ZNF148: variants seen among roughly 807,000 people sequenced by gnomAD.
ZNF148 encodes zinc finger protein 148.
In ZNF148, 7 loss-of-function variants were observed where a neutral mutation model predicts 67.7. The observed-to-expected ratio is 0.10, with a 90% confidence interval of 0.06 to 0.19. The LOEUF is 0.19. ZNF148 is among the 10% of genes least tolerant of loss of function. The pLI, the probability that ZNF148 is intolerant of heterozygous loss-of-function variation, is 1.00. For missense variants in ZNF148, 583 were observed against 947.1 expected, an observed-to-expected ratio of 0.62 and a Z score of 5.05; for synonymous variants, 333 against 330.7, an observed-to-expected ratio of 1.01 and a Z score of -0.08.
At chr3:125,338,322 A>G (rs1244033065) in intron 1 of ZNF148, among the ~76,000 whole-genome samples, 1 of 152,214 alleles carries the variant, frequency 6.6e-6, no homozygotes, top group African/African-American at 2.4e-5. Flanking sequence ...AATGATAGGT[A>G]CATATGTATA....
intron 1 of ZNF148, among the ~76,000 whole-genome samples, chr3:125,372,785 G>C (rs966178062): frequency 6.6e-6 from 1 of 151,958 alleles, no homozygotes; most frequent in African/African-American, 2.4e-5. Context: ...TCACCAACAC[G>C]GAGAAACTCC....
At chr3:125,262,169 T>C (rs1225291429) in intron 7 of ZNF148, among the ~76,000 whole-genome samples, 1 of 152,212 alleles carries the variant, frequency 6.6e-6, no homozygotes, top group Non-Finnish European at 1.5e-5. Context: ...GATACTGATA[T>C]CAATCCATGA....
chr3:125,310,144 A>G (rs1940121750), intron 4 of ZNF148, among the ~76,000 whole-genome samples: 1 of 149,778 alleles, frequency 6.7e-6, no homozygotes, highest in Non-Finnish European at 1.5e-5. Flanking sequence ...CAGTGGCACA[A>G]TCTTGGCTCA....
chr3:125,273,179 CTCTAA>C (rs1937849729), intron 7 of ZNF148, among the ~76,000 whole-genome samples: 1 of 152,222 alleles, frequency 6.6e-6, no homozygotes, highest in Non-Finnish European at 1.5e-5. Context: ...TCAACATTCT[CTCTAA>C]CCCCACCCCA....
intron 2 of ZNF148, among the ~76,000 whole-genome samples, chr3:125,327,667 AT>A (rs1416199171): frequency 1.3e-5 from 2 of 152,210 alleles, no homozygotes; most frequent in African/African-American, 4.8e-5. Context: ...AAACAAATAC[AT>A]TTATATGTTC....
intron 4 of ZNF148, among the ~76,000 whole-genome samples, chr3:125,291,411 T>C (rs745626285): frequency 4.6e-5 from 7 of 152,158 alleles, no homozygotes; most frequent in Admixed American, 6.6e-5. Flanking sequence ...CCTAAGGTAC[T>C]TGGCAGAAGG....
intron 1 of ZNF148, among the ~76,000 whole-genome samples, chr3:125,348,582 A>G (rs998352139): frequency 6.6e-6 from 1 of 152,056 alleles, no homozygotes; most frequent in Non-Finnish European, 1.5e-5. Context: ...GAAAACTACA[A>G]AACACTGATG....
chr3:125,284,340 AGAGTAT>A (rs757000779), intron 5 of ZNF148, among the ~76,000 whole-genome samples: 1 of 152,188 alleles, frequency 6.6e-6, no homozygotes, highest in South Asian at 2.1e-4. Context: ...TTCAAGCTTA[AGAGTAT>A]AACAGTCACC....
chr3:125,340,160 C>T (rs1941654091), intron 1 of ZNF148, among the ~76,000 whole-genome samples: 1 of 152,162 alleles, frequency 6.6e-6, no homozygotes, highest in East Asian at 1.9e-4. Context: ...CAGAAGAAGA[C>T]AATCCAGACC....
chr3:125,271,341 G>A (rs1176666425), intron 7 of ZNF148, among the ~76,000 whole-genome samples: 1 of 152,116 alleles, frequency 6.6e-6, no homozygotes, highest in East Asian at 1.9e-4. Context: ...CCACTCCATT[G>A]TGAAATCCGG....
intron 5 of ZNF148, among the ~76,000 whole-genome samples, chr3:125,285,971 G>C (rs1366957677): frequency 1.3e-5 from 2 of 152,024 alleles, no homozygotes; most frequent in Non-Finnish European, 2.9e-5. Context: ...CAAATACCTA[G>C]AACATATCAC....
At chr3:125,290,302 G>C (rs1397249519) in intron 4 of ZNF148, among the ~76,000 whole-genome samples, 1 of 152,016 alleles carries the variant, frequency 6.6e-6, no homozygotes, top group Non-Finnish European at 1.5e-5. Flanking sequence ...CCCTATGCCG[G>C]TTCTTTCTTG....
intron 2 of ZNF148, among the ~76,000 whole-genome samples, chr3:125,323,888 G>A (rs1940899302): frequency 6.6e-6 from 1 of 151,674 alleles, no homozygotes; most frequent in South Asian, 2.1e-4. Flanking sequence ...GAACCCAGGA[G>A]GCAGAGCTTG....
intron 3 of ZNF148, among the ~76,000 whole-genome samples, chr3:125,316,526 G>C (rs901573555): frequency 6.6e-6 from 1 of 152,042 alleles, no homozygotes; most frequent in South Asian, 2.1e-4. Flanking sequence ...CTGTCTTTTG[G>C]ATATAAGCCA....
chr3:125,326,177 T>C (rs982572505), intron 2 of ZNF148, among the ~76,000 whole-genome samples: 3 of 152,040 alleles, frequency 2.0e-5, no homozygotes, highest in Non-Finnish European at 4.4e-5. Context: ...GGAAAACACA[T>C]CAGACTTAAA....
chr3:125,328,093 A>G (rs1017669332), intron 2 of ZNF148, among the ~76,000 whole-genome samples: 4 of 151,974 alleles, frequency 2.6e-5, no homozygotes, highest in African/African-American at 9.7e-5. Context: ...TTATTTATGT[A>G]TATTTCTTTT....
intron 1 of ZNF148, among the ~76,000 whole-genome samples, chr3:125,340,999 A>C (rs1386185154): frequency 3.3e-5 from 5 of 150,144 alleles, no homozygotes; most frequent in Admixed American, 3.3e-4. Flanking sequence ...AAAAAAAAAA[A>C]AAAAAAAAAA....
chr3:125,295,397 G>A (rs748793362), intron 4 of ZNF148, among the ~76,000 whole-genome samples: 2 of 151,270 alleles, frequency 1.3e-5, no homozygotes, highest in Non-Finnish European at 2.9e-5. Context: ...AGGTTGCAGC[G>A]AGCCAGGATC....
At chr3:125,354,009 ATTTTTCATCAT>A (rs1292757245) in intron 1 of ZNF148, among the ~76,000 whole-genome samples, 2 of 152,070 alleles carry the variant, frequency 1.3e-5, no homozygotes, top group Non-Finnish European at 2.9e-5. Context: ...ATAATATTCT[ATTTTTCATCAT>A]TTACGTTTTT....
Sources: allele counts gnomAD v4.1 joint callset (sites outside exome capture counted in the v4.1 genomes callset), GRCh38; gene constraint gnomAD v4.1.1; transcripts MANE v1.5; gene names NCBI Gene and HGNC (gene_info 2026-07-23, HGNC 2026-07-21).